MAP3K7: variants seen among roughly 807,000 people sequenced by gnomAD.
MAP3K7 encodes TGF-beta activated kinase 1.
In MAP3K7, 21 loss-of-function variants were observed where a neutral mutation model predicts 84.8. The ratio of observed to expected loss-of-function variants is 0.25; its 90% CI spans 0.18 to 0.36. The LOEUF is 0.36. Among genes scored for constraint, MAP3K7 ranks in the 10% least tolerant of loss-of-function variants. MAP3K7 has a pLI of 1.00. For synonymous variants in MAP3K7, 241 were observed against 247.7 expected (o/e 0.97, Z 0.25); for missense variants, 503 against 747.7 (o/e 0.67, Z 3.82).
intron 1 of MAP3K7, among the ~76,000 whole-genome samples, chr6:90,579,625 T>C (rs1214762565): frequency 6.6e-6 from 1 of 152,230 alleles, no homozygotes; most frequent in Non-Finnish European, 1.5e-5. Flanking sequence ...CCCTCACTTG[T>C]GTATATTGTA....
chr6:90,537,232 T>A (rs1292273865), intron 12 of MAP3K7: 1 of 151,978 alleles, frequency 6.6e-6, no homozygotes, highest in Non-Finnish European at 1.5e-5. Context: ...AACACCAAAA[T>A]ACTGAGTAAC....
intron 3 of MAP3K7, 40 bp downstream of exon 3, chr6:90,568,518 T>A (rs995844136): frequency 6.5e-7 from 1 of 1,545,054 alleles, no homozygotes; most frequent in Non-Finnish European, 8.8e-7. Context: ...ATCTGCCATG[T>A]CATTTCTCAC....
intron 12 of MAP3K7, among the ~76,000 whole-genome samples, chr6:90,538,064 G>T (rs1158945495): frequency 6.6e-6 from 1 of 151,918 alleles, no homozygotes; most frequent in Non-Finnish European, 1.5e-5. Flanking sequence ...GTAAAGAAGA[G>T]CTGACAGTTA....
At chr6:90,534,367 TG>T (rs1486013011) in intron 13 of MAP3K7, among the ~76,000 whole-genome samples, 1 of 152,154 alleles carries the variant, frequency 6.6e-6, no homozygotes, top group Admixed American at 6.6e-5. Flanking sequence ...CATGCCAAGC[TG>T]AACATTAGGC....
At chr6:90,529,689 A>C (rs1481309580) in intron 13 of MAP3K7, among the ~76,000 whole-genome samples, 1 of 152,202 alleles carries the variant, frequency 6.6e-6, no homozygotes, top group African/African-American at 2.4e-5. Flanking sequence ...TCTTCACACG[A>C]GATTTTTTTC....
chr6:90,584,655 T>G (rs976963333), intron 1 of MAP3K7, among the ~76,000 whole-genome samples: 9 of 152,128 alleles, frequency 5.9e-5, no homozygotes, highest in Admixed American at 5.9e-4. Context: ...GAATCAAGAA[T>G]GTAAAAAGCT....
intron 8 of MAP3K7, 150 bp downstream of exon 8, chr6:90,551,899 G>T (rs1001791155): frequency 1.5e-5 from 12 of 787,128 alleles, no homozygotes; most frequent in Non-Finnish European, 1.9e-5. Context: ...TTCCTCTTCT[G>T]ACTATGAGTA....
chr6:90,516,982 G>A (rs1774987263), intron 16 of MAP3K7, among the ~76,000 whole-genome samples: 1 of 151,784 alleles, frequency 6.6e-6, no homozygotes, highest in African/African-American at 2.4e-5. Flanking sequence ...TAGGAAGGAT[G>A]AAAAAAGGCT....
chr6:90,532,145 A>G (rs962908864), intron 13 of MAP3K7, among the ~76,000 whole-genome samples: 1 of 152,200 alleles, frequency 6.6e-6, no homozygotes, highest in Non-Finnish European at 1.5e-5. Context: ...TAAATAAATA[A>G]TAACAATGTA....
intron 1 of MAP3K7, among the ~76,000 whole-genome samples, chr6:90,576,434 C>A: frequency 7.6e-6 from 1 of 132,266 alleles, no homozygotes. Context: ...CACACACACA[C>A]ACACACACAC....
At chr6:90,550,692 T>C (rs2127973750) in intron 8 of MAP3K7, 143 bp from the exon 9 acceptor site, 1 of 538,570 alleles carries the variant, frequency 1.9e-6, no homozygotes, top group South Asian at 2.6e-5. Context: ...TAATGTACTC[T>C]TGGATTTCAA....
chr6:90,551,978 TAAA>T, intron 8 of MAP3K7, 68 bp downstream of exon 8: 1 of 1,499,740 alleles, frequency 6.7e-7, no homozygotes, highest in South Asian at 1.3e-5. Flanking sequence ...ACATCCCTTT[TAAA>T]ATTCCATTAA....
chr6:90,519,397 T>A, intron 14 of MAP3K7, 78 bp from the exon 15 acceptor site: 2 of 934,434 alleles, frequency 2.1e-6, no homozygotes, highest in Non-Finnish European at 3.3e-6. Flanking sequence ...ATGAATGAAA[T>A]GCTTTTTTTC....
At chr6:90,547,452 T>C in intron 10 of MAP3K7, 65 bp from the exon 11 acceptor site, 1 of 1,557,872 alleles carries the variant, frequency 6.4e-7, no homozygotes, top group East Asian at 2.3e-5. Context: ...TTAGGCAACC[T>C]AAAAGGAGGA....
At chr6:90,520,948 A>G (rs1013064262) in intron 14 of MAP3K7, among the ~76,000 whole-genome samples, 2 of 152,090 alleles carry the variant, frequency 1.3e-5, no homozygotes, top group African/African-American at 4.8e-5. Flanking sequence ...TCTTTCTTAA[A>G]TCACTGATAC....
In MAP3K7 at chr6:90,587,012, G is replaced by C; in HGVS notation, c.-129C>G. On this transcript the variant is annotated 5_prime_UTR_variant, in exon 1 of 17. Coordinates refer to ENST00000369329, the MANE Select transcript of MAP3K7 (RefSeq NM_145331.3). ...GCAGTCCTACTACCCGGCGATCCGTGGCGGGGGTAGAGGCAGCGGCCACAG... is the reference window on the plus strand; with the variant it reads ...GCAGTCCTACTACCCGGCGATCCGTCGCGGGGGTAGAGGCAGCGGCCACAG... 4.3e-6 allele frequency: 5 copies of C among 1,166,210 alleles called. No homozygotes were observed. The South Asian group carries it at 7.2e-5, about 17-fold the overall frequency. 72.2% of individuals were successfully genotyped at this position (1,166,210 alleles called of 1,614,324 possible). A position where few individuals can be genotyped will look rare whatever the true frequency, so the allele number is the denominator to read the frequency against.
chr6:90,548,687 G>A (rs111374181), intron 9 of MAP3K7, among the ~76,000 whole-genome samples: 81 of 151,918 alleles, frequency 5.3e-4, no homozygotes, highest in African/African-American at 1.9e-3. Context: ...GAAGCCAAAT[G>A]AGCAGGCCCT....
intron 5 of MAP3K7, among the ~76,000 whole-genome samples, chr6:90,559,275 G>A (rs1009905669): frequency 1.3e-5 from 2 of 152,050 alleles, no homozygotes; most frequent in Non-Finnish European, 2.9e-5. Context: ...ACCCAGAAGG[G>A]ATGTTTTAAT....
intron 1 of MAP3K7, among the ~76,000 whole-genome samples, chr6:90,586,090 C>T (rs2127788095): frequency 6.6e-6 from 1 of 152,240 alleles, no homozygotes. Flanking sequence ...ACATTACGTC[C>T]GGCCGGGCCC....
Sources: gnomAD v4.1 joint callset for allele counts (sites outside exome capture counted in the v4.1 genomes callset) on GRCh38, gnomAD v4.1.1 for gene constraint, MANE v1.5 for transcripts, NCBI Gene and HGNC (gene_info 2026-07-23, HGNC 2026-07-21) for gene names.